The following ITPR1 variants were observed in gnomAD, a reference collection of about 807,000 sequenced individuals.
ITPR1 encodes inositol 1,4,5-trisphosphate receptor type 1, also known as inositol 1,4,5-trisphosphate-gated calcium channel ITPR1.
Under a neutral mutation model 318.4 loss-of-function variants are expected in ITPR1, and 96 were observed. The ratio of observed to expected loss-of-function variants is 0.30; its 90% CI spans 0.26 to 0.36. The LOEUF (loss-of-function observed/expected upper bound fraction) is 0.36. Among genes scored for constraint, ITPR1 ranks in the 10% least tolerant of loss-of-function variants. The probability of loss-of-function intolerance (pLI) is 1.00; values close to 1 mark genes in which losing one functional copy is unlikely to be tolerated. For missense variants in ITPR1, 2,440 were observed against 3,460.2 expected (o/e 0.71, Z 7.40); for synonymous variants, 1,312 against 1,289.9 (o/e 1.02, Z -0.37).
intron 4 of ITPR1, among the ~76,000 whole-genome samples, chr3:4,532,000 G>C (rs886700484): frequency 3.3e-5 from 5 of 152,186 alleles, no homozygotes; most frequent in Non-Finnish European, 5.9e-5. Flanking sequence ...ATACCTCACA[G>C]GGTTTTCATG....
intron 4 of ITPR1, among the ~76,000 whole-genome samples, chr3:4,553,448 T>C (rs924199869): frequency 6.6e-6 from 1 of 152,142 alleles, no homozygotes; most frequent in African/African-American, 2.4e-5. Flanking sequence ...TATTTTGTTT[T>C]GAGGGAGGGT....
intron 44 of ITPR1, among the ~76,000 whole-genome samples, chr3:4,752,739 T>C (rs2044638465): frequency 6.6e-6 from 1 of 152,192 alleles, no homozygotes; most frequent in Non-Finnish European, 1.5e-5. Flanking sequence ...GCTGAAGAGA[T>C]CTTTCTGTCT....
intron 4 of ITPR1, among the ~76,000 whole-genome samples, chr3:4,555,393 T>C (rs1204155854): frequency 2.0e-5 from 3 of 152,248 alleles, no homozygotes; most frequent in African/African-American, 7.2e-5. Flanking sequence ...CCTATTCATT[T>C]GAAGGCATAT....
chr3:4,495,609 A>G (rs1276981996), intron 2 of ITPR1, among the ~76,000 whole-genome samples: 1 of 152,248 alleles, frequency 6.6e-6, no homozygotes, highest in African/African-American at 2.4e-5. Context: ...AAACTGGTCC[A>G]CAGACTCTTT....
At chr3:4,617,324 C>G (rs1488554269) in intron 4 of ITPR1, among the ~76,000 whole-genome samples, 1 of 152,070 alleles carries the variant, frequency 6.6e-6, no homozygotes, top group African/African-American at 2.4e-5. Flanking sequence ...TGTCAAGGTG[C>G]CAGCAGGTTT....
chr3:4,685,030 T>C (rs746069886), intron 29 of ITPR1, 39 bp from the exon 30 acceptor site: 2 of 1,594,386 alleles, frequency 1.3e-6, no homozygotes, highest in Non-Finnish European at 1.7e-6. Flanking sequence ...CCAGCTATAG[T>C]TCCTAGTTTT....
intron 4 of ITPR1, among the ~76,000 whole-genome samples, chr3:4,558,876 A>G (rs1295499353): frequency 6.6e-6 from 1 of 151,686 alleles, no homozygotes; most frequent in Non-Finnish European, 1.5e-5. Flanking sequence ...ATACCATGCC[A>G]TTTGACCCCG....
At chr3:4,817,933 G>C in intron 59 of ITPR1, 149 bp from the exon 60 acceptor site, 2 of 579,254 alleles carry the variant, frequency 3.5e-6, no homozygotes, top group Non-Finnish European at 5.8e-6. Context: ...ATGTAAACAT[G>C]AATGTACTTA....
intron 2 of ITPR1, among the ~76,000 whole-genome samples, chr3:4,502,488 T>C (rs1362555945): frequency 3.3e-5 from 5 of 151,892 alleles, no homozygotes; most frequent in African/African-American, 7.3e-5. Context: ...GTCACCAGGC[T>C]GGAGTGCAGT....
At chr3:4,630,679 G>A (rs1470382849) in intron 5 of ITPR1, among the ~76,000 whole-genome samples, 3 of 151,536 alleles carry the variant, frequency 2.0e-5, no homozygotes, top group Middle Eastern at 3.4e-3. Flanking sequence ...TCCGCCTCCC[G>A]GGCTCAAGCG....
intron 39 of ITPR1, 144 bp from the exon 40 acceptor site, chr3:4,717,223 G>T (rs559236870): frequency 6.9e-6 from 5 of 727,012 alleles, no homozygotes; most frequent in East Asian, 2.5e-5. Flanking sequence ...TGTCCTAAGC[G>T]CCCAAGCCTC....
At chr3:4,584,002 T>C (rs1393134531) in intron 4 of ITPR1, among the ~76,000 whole-genome samples, 2 of 152,214 alleles carry the variant, frequency 1.3e-5, no homozygotes, top group Non-Finnish European at 2.9e-5. Context: ...GGTCTTGGTA[T>C]TTAGATTGCC....
intron 42 of ITPR1, among the ~76,000 whole-genome samples, chr3:4,732,622 G>A (rs1575054878): frequency 6.6e-6 from 1 of 152,064 alleles, no homozygotes; most frequent in Non-Finnish European, 1.5e-5. Context: ...TTGTAAGAAA[G>A]GCTTACTCTT....
At chr3:4,610,728 A>G (rs2092018612) in intron 4 of ITPR1, among the ~76,000 whole-genome samples, 1 of 152,092 alleles carries the variant, frequency 6.6e-6, no homozygotes, top group African/African-American at 2.4e-5. Context: ...AGGGCAGGGC[A>G]TTCTCATTTT....
rs116915780 is a variant in ITPR1, at chr3:4,543,911, G to A, written c.163+22817G>A. Among the ~76,000 whole-genome samples, 26 of 152,336 alleles carry A rather than the reference G, an allele frequency of 1.7e-4. No homozygotes were observed. The East Asian group carries it at 4.8e-3, about 28-fold the overall frequency. Reference sequence around the variant, plus strand: ...TGTCTTTTTGCTCCACATCCTTAGTGTATGGGTGCCCCCATCCCCACCATG... The same window carrying A: ...TGTCTTTTTGCTCCACATCCTTAGTATATGGGTGCCCCCATCCCCACCATG... On this transcript the variant is annotated intron_variant, in intron 4 of 61. Transcript: ENST00000649015.
At chr3:4,714,540 C>T (rs1017481465) in intron 39 of ITPR1, among the ~76,000 whole-genome samples, 4 of 152,122 alleles carry the variant, frequency 2.6e-5, no homozygotes, top group African/African-American at 7.2e-5. Context: ...AGAGACTGCC[C>T]GAGGTCACGT....
chr3:4,751,969 G>T (rs1347011655), intron 44 of ITPR1, among the ~76,000 whole-genome samples: 1 of 152,048 alleles, frequency 6.6e-6, no homozygotes, highest in African/African-American at 2.4e-5. Context: ...CATTTCCTGA[G>T]GTCCTCTGAG....
At chr3:4,802,795 C>G (rs1337241278) in intron 54 of ITPR1, among the ~76,000 whole-genome samples, 1 of 151,370 alleles carries the variant, frequency 6.6e-6, no homozygotes, top group Non-Finnish European at 1.5e-5. Flanking sequence ...TGCCACTTCA[C>G]TCCAGCCTGG....
intron 37 of ITPR1, among the ~76,000 whole-genome samples, chr3:4,709,459 C>G (rs2094825782): frequency 6.6e-6 from 1 of 152,216 alleles, no homozygotes; most frequent in African/African-American, 2.4e-5. Context: ...CAGCTTTTCC[C>G]ATGCAAATGT....
Sources: gnomAD v4.1 joint callset for allele counts (sites outside exome capture counted in the v4.1 genomes callset) on GRCh38, gnomAD v4.1.1 for gene constraint, MANE v1.5 for transcripts, NCBI Gene and HGNC (gene_info 2026-07-23, HGNC 2026-07-21) for gene names.